PPP2R2B: variants seen among roughly 807,000 people sequenced by gnomAD.
PPP2R2B encodes the protein protein phosphatase 2 regulatory subunit Bbeta, also known as serine/threonine-protein phosphatase 2A 55 kDa regulatory subunit B beta isoform.
A neutral mutation model predicts 46.0 loss-of-function variants in PPP2R2B; 5 were observed. The observed-to-expected ratio is 0.11, with a 90% CI of 0.06 to 0.23. PPP2R2B has a LOEUF of 0.23. PPP2R2B is among the 10% of genes least tolerant of loss of function. The pLI is 1.00. For missense variants in PPP2R2B, 367 were observed against 575.0 expected, an observed-to-expected ratio of 0.64 and a Z score of 3.70; for synonymous variants, 215 against 206.7, an observed-to-expected ratio of 1.04 and a Z score of -0.34.
At chr5:146,826,655 C>T (rs181218308) in intron 2 of PPP2R2B, among the ~76,000 whole-genome samples, 168 of 152,240 alleles carry the variant, frequency 1.1e-3, no homozygotes, top group African/African-American at 3.8e-3. Flanking sequence ...ATTCTGGTGG[C>T]GTTTTCAAAA....
At chr5:146,841,524 G>A (rs1450429697) in intron 2 of PPP2R2B, among the ~76,000 whole-genome samples, 1 of 152,118 alleles carries the variant, frequency 6.6e-6, no homozygotes. Context: ...CCCAGACAGT[G>A]GATGCTTCCC....
chr5:147,078,983 G>A (rs1757885207), intron 2 of PPP2R2B, among the ~76,000 whole-genome samples: 1 of 152,082 alleles, frequency 6.6e-6, no homozygotes, highest in Non-Finnish European at 1.5e-5. Flanking sequence ...TAAGGTTAGA[G>A]AGTAGGTCAT....
intron 2 of PPP2R2B, among the ~76,000 whole-genome samples, chr5:146,862,680 G>T (rs901202754): frequency 1.3e-5 from 2 of 152,034 alleles, no homozygotes; most frequent in African/African-American, 4.8e-5. Flanking sequence ...AAGATGAGAG[G>T]ACAGGCAGGA....
intron 1 of PPP2R2B, chr5:147,040,626 C>T (rs1290578555): frequency 2.7e-6 from 1 of 365,208 alleles, no homozygotes; most frequent in Non-Finnish European, 5.4e-6. Context: ...CTTAGTGATG[C>T]TTCAGGGGCT....
chr5:146,661,006 C>T lies in PPP2R2B; in HGVS notation c.448-10282G>A, dbSNP rs139981029. 7.1e-4 allele frequency among the ~76,000 whole-genome samples: 108 copies of T among 152,262 alleles called. 1 individual carries two copies. In the East Asian group the frequency reaches 0.016, roughly 22 times the overall value. On this transcript the variant is annotated intron_variant, in intron 5 of 9. Coordinates refer to ENST00000394411, the MANE Select transcript of PPP2R2B (RefSeq NM_181675.4). Reference sequence around the variant, plus strand: ...TTCATGAGAGAAAGAAATAGGGGCTCTAACTTAGACTGAGGAATCAGATAA... The same window carrying T: ...TTCATGAGAGAAAGAAATAGGGGCTTTAACTTAGACTGAGGAATCAGATAA...
At position 146,878,632 on chromosome 5, in the gene PPP2R2B, C is replaced by T. The variant is rs1171197079; in HGVS notation, c.-166G>A. ...TGCTGGTCCCACGGGAGGGCGGCTC[C>T]GGCAGGCGGGGGTAGGGAAGCTGGC... is the stretch of plus-strand genomic sequence containing the variant. On this transcript the variant is annotated 5_prime_UTR_variant, in exon 1 of 10. Coordinates refer to ENST00000394411, the MANE Select transcript of PPP2R2B (RefSeq NM_181675.4). This position sits in a 1 kb window ranked among gnomAD's most constrained non-coding sequence, Gnocchi z 4.5. The T allele has an allele frequency of 2.4e-6, 3 of 1,247,456 alleles. No homozygotes were observed. The East Asian group carries it at 1.0e-4, about 43-fold the overall frequency. 77.3% of individuals were successfully genotyped at this position (1,247,456 alleles called of 1,614,324 possible).
chr5:146,822,410 A>T (rs188331736), intron 2 of PPP2R2B, among the ~76,000 whole-genome samples: 2 of 152,200 alleles, frequency 1.3e-5, no homozygotes, highest in Admixed American at 1.3e-4. Flanking sequence ...TGTTTCAGTC[A>T]TCATACTCAG....
chr5:146,780,199 G>A (rs908795961), intron 2 of PPP2R2B, among the ~76,000 whole-genome samples: 12 of 152,060 alleles, frequency 7.9e-5, no homozygotes, highest in African/African-American at 2.9e-4. Flanking sequence ...ATTATCTCTG[G>A]GATTAGTGCC....
intron 8 of PPP2R2B, among the ~76,000 whole-genome samples, chr5:146,599,243 A>G (rs1005353171): frequency 4.6e-5 from 7 of 152,050 alleles, no homozygotes; most frequent in African/African-American, 1.7e-4. Context: ...CCAACACTTA[A>G]ATCCAAAACT....
chr5:147,079,373 AAT>A (rs1757898457), intron 2 of PPP2R2B, among the ~76,000 whole-genome samples: 1 of 139,310 alleles, frequency 7.2e-6, no homozygotes, highest in Non-Finnish European at 1.6e-5. Context: ...ATATATATAT[AAT>A]ATGTGATATA....
chr5:146,792,620 T>G (rs1338545240), intron 2 of PPP2R2B, among the ~76,000 whole-genome samples: 1 of 152,180 alleles, frequency 6.6e-6, no homozygotes, highest in Non-Finnish European at 1.5e-5. Context: ...GACTTCAATT[T>G]CAAATAGGTA....
chr5:146,650,851 AAAG>A (rs1347312671), intron 5 of PPP2R2B, 127 bp from the exon 6 acceptor site: 20 of 836,696 alleles, frequency 2.4e-5, no homozygotes, highest in Non-Finnish European at 3.6e-5. Context: ...CAAGTTAGAG[AAAG>A]AAGAGGCTAA....
chr5:146,860,288 A>G (rs1760907866), intron 2 of PPP2R2B, among the ~76,000 whole-genome samples: 1 of 152,208 alleles, frequency 6.6e-6, no homozygotes, highest in Admixed American at 6.5e-5. Context: ...TCAAGTTGCT[A>G]GTTGTGGCTT....
intron 1 of PPP2R2B, among the ~76,000 whole-genome samples, chr5:146,913,868 T>A (rs538112390): frequency 1.3e-5 from 2 of 152,318 alleles, no homozygotes; most frequent in South Asian, 2.1e-4. Flanking sequence ...TACGTCCTAC[T>A]AAAATGGACC....
rs1237118888 is a variant in PPP2R2B at position 146,589,859 on chromosome 5, A to G, written c.*88T>C. 7.1e-6 allele frequency: 9 copies of G among 1,266,858 alleles called. No homozygotes were observed. The African/African-American group carries it at 1.2e-4, about 17-fold the overall frequency. 78.5% of individuals were successfully genotyped at this position (1,266,858 alleles called of 1,614,324 possible). ...TTCCTGTATAGGGAAATTAAAGTCA[A>G]TGCATCAAATGAAGACCCAAAGAAA... On this transcript the variant is annotated 3_prime_UTR_variant, in exon 10 of 10. Transcript: ENST00000394411.
intron 1 of PPP2R2B, among the ~76,000 whole-genome samples, chr5:146,980,318 A>G (rs1046283862): frequency 2.0e-4 from 30 of 152,248 alleles, no homozygotes; most frequent in African/African-American, 7.2e-4. Flanking sequence ...TTCTGAGCAC[A>G]ATGAAGCAGA....
chr5:146,878,526 CA>C lies in PPP2R2B; in HGVS notation c.-125+64del. The C allele has an allele frequency of 7.8e-7, 1 of 1,280,432 alleles. No individual in the cohort carries two copies. The highest frequency in any genetic ancestry group is 1.0e-6 in the Non-Finnish European group (1 of 999,102). 79.3% of individuals were successfully genotyped at this position (1,280,432 alleles called of 1,614,324 possible). A position where few individuals can be genotyped will look rare whatever the true frequency, so the allele number is the denominator to read the frequency against. On this transcript the variant is annotated intron_variant, in intron 1 of 9. Coordinates refer to ENST00000394411, the MANE Select transcript of PPP2R2B (RefSeq NM_181675.4). The surrounding 1 kb of genome is among the most constrained non-coding windows in gnomAD (Gnocchi z 4.5). ...CCCCTGGGAGAGCGGGCAGCCGCGA[CA>C]AAATGGTGCCTTTCTGGACCCGAGC...
intron 5 of PPP2R2B, 74 bp from the exon 6 acceptor site, chr5:146,650,798 A>G (rs1019489750): frequency 1.5e-5 from 20 of 1,354,740 alleles, no homozygotes; most frequent in Admixed American, 1.2e-4. Flanking sequence ...TGCTAATATC[A>G]TTTATTATCA....
intron 1 of PPP2R2B, among the ~76,000 whole-genome samples, chr5:146,956,609 A>G (rs952900912): frequency 6.6e-6 from 1 of 152,214 alleles, no homozygotes; most frequent in African/African-American, 2.4e-5. Flanking sequence ...AGACCAGTCC[A>G]TAGACTTGAG....
Sources: gnomAD v4.1 joint callset for allele counts (sites outside exome capture counted in the v4.1 genomes callset) on GRCh38, gnomAD v4.1.1 for gene constraint, Gnocchi (gnomAD v3.1) non-coding constraint, MANE v1.5 for transcripts, NCBI Gene and HGNC (gene_info 2026-07-23, HGNC 2026-07-21) for gene names.